Variants in GSTM2 observed in about 807,000 individuals in gnomAD.
The protein encoded by GSTM2 is glutathione S-transferase mu 2.
A neutral mutation model predicts 33.3 loss-of-function variants in GSTM2; 33 were observed. The ratio of observed to expected loss-of-function variants is 0.99; its 90% CI spans 0.75 to 1.33. The LOEUF is 1.33. GSTM2 is among the 40% of genes most tolerant of loss of function. The probability of loss-of-function intolerance (pLI) is 0.00; values close to 1 mark genes in which losing one functional copy is unlikely to be tolerated. For synonymous variants in GSTM2, 93 were observed against 95.6 expected (o/e 0.97, Z 0.16); for missense variants, 213 against 265.8 (o/e 0.80, Z 1.38).
At chr1:109,679,893 A>C (rs1278626172), downstream of GSTM2, among the ~76,000 whole-genome samples, 4 of 152,116 alleles carry the variant, frequency 2.6e-5, no homozygotes, top group African/African-American at 9.7e-5. Context: ...CAAATGAAGG[A>C]GGCATCCACC....
chr1:109,670,088 C>CAGAGGTGGGGAGGGGAGG (rs1557958333), intron 5 of GSTM2: 48 of 3,690 alleles, frequency 0.013, no homozygotes, highest in African/African-American at 0.043. Context: ...TTGGGAAGGG[C>CAGAGGTGGGGAGGGGAGG]GGAGGTGGGG....
downstream of GSTM2, among the ~76,000 whole-genome samples, chr1:109,676,991 C>G (rs1248198955): frequency 6.6e-6 from 1 of 152,122 alleles, no homozygotes; most frequent in Non-Finnish European, 1.5e-5. Flanking sequence ...TCTCCAAAAA[C>G]TATATATCCG....
At chr1:109,678,960 G>A (rs571788808), downstream of GSTM2, among the ~76,000 whole-genome samples, 37 of 152,042 alleles carry the variant, frequency 2.4e-4, no homozygotes, top group African/African-American at 6.8e-4. Context: ...ATTCTTTCCC[G>A]TTTTTGGTGA....
At chr1:109,668,628 G>T in intron 2 of GSTM2, 128 bp downstream of exon 2, 1 of 1,120,814 alleles carries the variant, frequency 8.9e-7, no homozygotes, top group South Asian at 1.3e-5. Flanking sequence ...CCTTCCCTGA[G>T]CCCTGGTGAG....
chr1:109,673,298 G>A, intron 7 of GSTM2: 1 of 1,596,082 alleles, frequency 6.3e-7, no homozygotes, highest in Admixed American at 1.7e-5. Context: ...AGTGGGAGAT[G>A]CATAGATGAC....
chr1:109,676,417 T>TCTC (rs903904049), downstream of GSTM2, among the ~76,000 whole-genome samples: 8 of 152,100 alleles, frequency 5.3e-5, no homozygotes, highest in Admixed American at 5.2e-4. Flanking sequence ...GGTGGTGTGA[T>TCTC]CTCGTCTCAC....
Position 109,669,344 on chromosome 1 carries a change from C to T in GSTM2, c.232C>T (p.Arg78Trp), listed in dbSNP as rs778079639. Reference sequence around the variant, plus strand: ...GATCACCCAGAGCAACGCCATCCTGCGGTACATTGCCCGCAAGCACAACCT... The same window carrying T: ...GATCACCCAGAGCAACGCCATCCTGTGGTACATTGCCCGCAAGCACAACCT... ...HKITQSNAIL[R>W]YIARKHNLCG... Residue 78 changes from arginine to tryptophan, a missense_variant, in exon 4 of 8, where the codon CGG becomes TGG. Transcript: ENST00000241337. 4.3e-5 allele frequency: 69 copies of T among 1,614,102 alleles called. No homozygotes were observed. The highest frequency in any genetic ancestry group is 5.5e-5 in the Non-Finnish European group (65 of 1,180,046).
downstream of GSTM2, among the ~76,000 whole-genome samples, chr1:109,675,584 T>C (rs1647684035): frequency 6.6e-6 from 1 of 152,050 alleles, no homozygotes; most frequent in Non-Finnish European, 1.5e-5. Context: ...TCTCATTGAA[T>C]AGGACCCCAA....
chr1:109,680,351 A>G (rs1426790318), intron 7 of GSTM2, among the ~76,000 whole-genome samples: 2 of 151,762 alleles, frequency 1.3e-5, no homozygotes, highest in South Asian at 2.1e-4. Context: ...CAAACACAAG[A>G]TAAAACGCTG....
intron 3 of GSTM2, 92 bp from the exon 4 acceptor site, chr1:109,669,198 G>T: frequency 2.8e-6 from 4 of 1,444,548 alleles, no homozygotes; most frequent in East Asian, 2.3e-5. Context: ...CCATGAGCAG[G>T]CCCTGGTCTC....
downstream of GSTM2, among the ~76,000 whole-genome samples, chr1:109,678,235 C>T (rs572953181): frequency 3.3e-4 from 50 of 152,258 alleles, no homozygotes; most frequent in African/African-American, 1.1e-3. Context: ...ACCTCTGCCT[C>T]CTGGGTTCAA....
chr1:109,679,166 A>G (rs1045791045), downstream of GSTM2, among the ~76,000 whole-genome samples: 2 of 151,488 alleles, frequency 1.3e-5, no homozygotes, highest in African/African-American at 4.9e-5. Flanking sequence ...TTTTTTTTTA[A>G]TAAGAACACC....
At chr1:109,668,532 C>T in intron 2 of GSTM2, 32 bp downstream of exon 2, 1 of 1,610,874 alleles carries the variant, frequency 6.2e-7, no homozygotes, top group Non-Finnish European at 8.5e-7. Flanking sequence ...GGCCCTGCCC[C>T]CTCACACTAA....
At position 109,668,152 on chromosome 1, in the gene GSTM2, G is replaced by A. The variant is rs2101241709; in HGVS notation, c.36+1G>A. ...ACTGGGGTACTGGAACATCCGCGGG[G>A]TGAGCCAGGGTCCGCTGGGCGGTGG... On this transcript the variant is annotated splice_donor_variant, in intron 1 of 7. Transcript: ENST00000241337. LOFTEE classifies it high-confidence loss of function. 1 of 1,613,574 alleles carries A rather than the reference G, an allele frequency of 6.2e-7. No homozygotes were observed. The highest frequency in any genetic ancestry group is 1.1e-5 in the South Asian group (1 of 91,048).
At position 109,671,367 on chromosome 1, in the gene GSTM2, G is replaced by T; in HGVS notation, c.441G>T (p.Trp147Cys). 1 of 1,613,498 alleles carries T rather than the reference G, an allele frequency of 6.2e-7. No individual in the cohort carries two copies. The highest frequency in any genetic ancestry group is 8.5e-7 in the Non-Finnish European group (1 of 1,179,396). The change falls in exon 6 of 8, where the codon TGG (tryptophan) becomes TGT (cysteine). Residue 147 changes from tryptophan (W) to cysteine (C), a missense_variant. Transcript: ENST00000241337. ...LYSQFLGKQP[W>C]FLGDKITFVD... The stretch of plus-strand genomic sequence containing the variant: ...CACAGTTTCTGGGGAAGCAGCCATG[G>T]TTTCTTGGGGACAAGGTAATGGGGG...
intron 5 of GSTM2, 175 bp from the exon 6 acceptor site, chr1:109,671,112 T>C (rs1490113510): frequency 8.2e-6 from 5 of 609,344 alleles, no homozygotes; most frequent in Middle Eastern, 4.5e-4. Flanking sequence ...AGCTACCCAG[T>C]TGGAGTCTAA....
Position 109,668,058 on chromosome 1 carries a change from C to T in GSTM2, c.-58C>T, listed in dbSNP as rs1198315464. 6.3e-7 allele frequency: 1 copy of T among 1,592,432 alleles called. No homozygotes were observed. Among genetic ancestry groups the T allele is most frequent in the African/African-American group, 1.3e-5 (1 of 74,564 alleles). On this transcript the variant is annotated 5_prime_UTR_variant, in exon 1 of 8. Coordinates refer to ENST00000241337, the MANE Select transcript of GSTM2 (RefSeq NM_000848.4). ...CCCTCTACCCTCTCTGGGCCTCTCACAAACGCTGAGCCCCGCCCCGCTGAG... is the reference window on the plus strand; with the variant it reads ...CCCTCTACCCTCTCTGGGCCTCTCATAAACGCTGAGCCCCGCCCCGCTGAG...
intron 7 of GSTM2, chr1:109,673,278 T>G (rs1647611124): frequency 6.2e-7 from 1 of 1,608,078 alleles, no homozygotes; most frequent in African/African-American, 1.3e-5. Flanking sequence ...TGAGGCAGGG[T>G]GTGAGGCACA....
intron 5 of GSTM2, 164 bp from the exon 6 acceptor site, chr1:109,671,123 T>C: frequency 1.6e-6 from 1 of 626,860 alleles, no homozygotes; most frequent in Admixed American, 2.7e-5. Context: ...TGGAGTCTAA[T>C]AAATGCTGAT....
Sources: gnomAD v4.1 joint callset for allele counts (sites outside exome capture counted in the v4.1 genomes callset) on GRCh38, gnomAD v4.1.1 for gene constraint, MANE v1.5 for transcripts, NCBI Gene and HGNC (gene_info 2026-07-23, HGNC 2026-07-21) for gene names.